The following RADX variants were observed in gnomAD, a reference collection of about 807,000 sequenced individuals.
The protein encoded by RADX is RPA-related protein RADX.
RADX carries 36 observed loss-of-function variants against 61.6 expected under a neutral mutation model. The observed-to-expected ratio is 0.58, with a 90% CI of 0.45 to 0.77. The LOEUF (loss-of-function observed/expected upper bound fraction) is 0.77, where lower values mean the gene tolerates loss of function less well. RADX is among the 30% of genes least tolerant of loss of function. RADX has a pLI of 0.00. For missense variants in RADX, 497 were observed against 651.1 expected, an observed-to-expected ratio of 0.76 and a Z score of 2.58; for synonymous variants, 272 against 237.9, an observed-to-expected ratio of 1.14 and a Z score of -1.32.
chrX:106,634,738 G>C (rs182892709), intron 6 of RADX, among the ~76,000 whole-genome samples: 1 of 111,518 alleles, frequency 9.0e-6, no homozygotes, highest in East Asian at 2.8e-4. Context: ...CTTCTTTTAG[G>C]GCATAAGTAA....
chrX:106,620,894 G>T (rs746954449), intron 1 of RADX, among the ~76,000 whole-genome samples: 18 of 111,623 alleles, frequency 1.6e-4, no homozygotes, highest in Non-Finnish European at 2.6e-4. Flanking sequence ...TTAGATTTGA[G>T]AGATAAAATG....
At chrX:106,664,178 G>A (rs139361683) in intron 12 of RADX, among the ~76,000 whole-genome samples, 1,986 of 109,149 alleles carry the variant, frequency 0.018, 36 homozygotes, top group African/African-American at 0.062. Context: ...TCTACCATTG[G>A]CAATAATTTT....
chrX:106,664,712 G>A (rs182132039), intron 12 of RADX, among the ~76,000 whole-genome samples: 78 of 105,536 alleles, frequency 7.4e-4, no homozygotes, highest in Non-Finnish European at 1.1e-3. Flanking sequence ...CAGTCTCGGT[G>A]GGAGGGGGTA....
intron 13 of RADX, among the ~76,000 whole-genome samples, chrX:106,669,675 T>C (rs1405620156): frequency 8.9e-6 from 1 of 111,878 alleles, no homozygotes; most frequent in Non-Finnish European, 1.9e-5. Context: ...CCTTTCACCT[T>C]GTAATTGCCT....
intron 13 of RADX, among the ~76,000 whole-genome samples, chrX:106,670,192 T>A (rs868126914): frequency 5.5e-5 from 6 of 109,851 alleles, no homozygotes; most frequent in South Asian, 3.8e-4. Flanking sequence ...ATTTTTTTTT[T>A]ATTTTTCCCA....
intron 7 of RADX, among the ~76,000 whole-genome samples, chrX:106,636,859 C>T (rs1927371277): frequency 9.0e-6 from 1 of 111,641 alleles, no homozygotes; most frequent in African/African-American, 3.3e-5. Flanking sequence ...GATTTTGTGA[C>T]TCAGTGGAAA....
chrX:106,655,299 C>CT (rs752071995), intron 11 of RADX, among the ~76,000 whole-genome samples: 10,735 of 93,159 alleles, frequency 0.12, 677 homozygotes, highest in Admixed American at 0.19. Context: ...GTTTCTTTTT[C>CT]TTTTTTTTTT....
intron 10 of RADX, among the ~76,000 whole-genome samples, chrX:106,641,728 A>G (rs1364120051): frequency 1.8e-5 from 2 of 111,477 alleles, no homozygotes; most frequent in Non-Finnish European, 3.8e-5. Flanking sequence ...ACACTCTGGA[A>G]CCAAGGAAAT....
intron 1 of RADX, among the ~76,000 whole-genome samples, chrX:106,617,198 G>GT (rs1169102678): frequency 9.3e-6 from 1 of 107,758 alleles, no homozygotes; most frequent in Non-Finnish European, 1.9e-5. Flanking sequence ...GCTAACTTTT[G>GT]TATTTTCAAT....
At chrX:106,639,737 G>A (rs754758137) in intron 9 of RADX, 50 bp downstream of exon 9, 2 of 964,655 alleles carry the variant, frequency 2.1e-6, no homozygotes, top group African/African-American at 4.0e-5. Context: ...CTGTGATTAT[G>A]ATTGCAATTG....
intron 6 of RADX, among the ~76,000 whole-genome samples, chrX:106,635,609 G>T (rs7056970): frequency 0.11 from 12,222 of 110,898 alleles, 1,632 homozygotes; most frequent in African/African-American, 0.38. Context: ...TTCTTCATTT[G>T]CATTGCTACA....
At chrX:106,658,393 CA>C (rs1928003163) in intron 11 of RADX, among the ~76,000 whole-genome samples, 1 of 111,494 alleles carries the variant, frequency 9.0e-6, no homozygotes, top group Non-Finnish European at 1.9e-5. Context: ...TGCACCTCCC[CA>C]CTTTGTTAGA....
At chrX:106,673,438 C>T (rs770794790) in intron 13 of RADX, among the ~76,000 whole-genome samples, 5 of 110,299 alleles carry the variant, frequency 4.5e-5, no homozygotes, top group African/African-American at 6.6e-5. Context: ...AGCTAAGGCC[C>T]GAAACGATGT....
At chrX:106,669,360 A>G (rs1245205716) in intron 13 of RADX, 30 bp downstream of exon 13, 1 of 1,043,190 alleles carries the variant, frequency 9.6e-7, no homozygotes, top group Non-Finnish European at 1.3e-6. Context: ...CTTTTCACTC[A>G]GAAAAAAAAA....
Position 106,612,300 on chromosome X carries a change from G to A in RADX, c.220G>A (p.Val74Ile), listed in dbSNP as rs765905243. The A allele has an allele frequency of 1.2e-5, 15 of 1,209,350 alleles. No homozygotes were observed. Among genetic ancestry groups the A allele is most frequent in the South Asian group, 1.8e-5 (1 of 56,734 alleles). ...GGTGGTGCCTGTAACTGTGCTGGCC[G>A]TCCAGAGGTACCTGTTAGAGGATGA... ...SEVVPVTVLA[V>I]QRYLLEDEPR... is the part of the protein sequence containing the mutation. The change falls in exon 1 of 14, where the codon GTC becomes ATC. Residue 74 changes from valine to isoleucine, a missense_variant. Transcript: ENST00000372548.
chrX:106,653,060 A>C (rs940164920), intron 11 of RADX, among the ~76,000 whole-genome samples: 2 of 109,292 alleles, frequency 1.8e-5, no homozygotes, highest in Admixed American at 2.0e-4. Flanking sequence ...AAGGCAAAAT[A>C]AAGACAAAAG....
Position 106,657,532 on chromosome X carries a change from C to G in RADX, c.1979-4483C>G, listed in dbSNP as rs188972758. On this transcript the variant is annotated intron_variant, in intron 11 of 13. Coordinates refer to ENST00000372548, the MANE Select transcript of RADX (RefSeq NM_018015.6). ...TCAGCCTATCTTGTTTTTTAACATG[C>G]CTTCCTCACTAAACTAAATTGTTTC... Among the ~76,000 whole-genome samples the G allele has an allele frequency of 2.2e-3, 245 of 112,168 alleles. 3 individuals are homozygous for G. Among genetic ancestry groups the G allele is most frequent in the African/African-American group, 7.5e-3 (232 of 30,925 alleles).
rs150927440 is a variant in RADX, at chrX:106,637,254, A to G, written c.1409-506A>G. ...TTTGTTAAAAGAAGGGTCCTAGGAA[A>G]GGTGTAACATACATCTTTGTCAATG... On this transcript the variant is annotated intron_variant, in intron 7 of 13. Coordinates refer to ENST00000372548, the MANE Select transcript of RADX (RefSeq NM_018015.6). Among the ~76,000 whole-genome samples the G allele has an allele frequency of 4.8e-3, 538 of 111,842 alleles. 3 individuals are homozygous for G. The highest frequency in any genetic ancestry group is 0.016 in the African/African-American group (508 of 30,855).
chrX:106,639,039 A>G lies in RADX; in HGVS notation c.1574-488A>G, dbSNP rs188015987. Among the ~76,000 whole-genome samples, 298 of 112,050 alleles carry G rather than the reference A, an allele frequency of 2.7e-3. 1 individual carries two copies. Among genetic ancestry groups the G allele is most frequent in the African/African-American group, 8.0e-3 (247 of 30,860 alleles). The stretch of plus-strand genomic sequence containing the variant: ...TAATATACTTTTTAGTAGAATTAAT[A>G]TATGACAGTTGAAAAGTTTAGCACA... On this transcript the variant is annotated intron_variant, in intron 8 of 13. Transcript: ENST00000372548.
Sources: allele counts gnomAD v4.1 joint callset (sites outside exome capture counted in the v4.1 genomes callset), GRCh38; gene constraint gnomAD v4.1.1; transcripts MANE v1.5; gene names NCBI Gene and HGNC (gene_info 2026-07-23, HGNC 2026-07-21).